Variants in TRIM69 observed in about 807,000 individuals in gnomAD.
TRIM69 encodes the protein E3 ubiquitin-protein ligase TRIM69.
Under a neutral mutation model 37.7 loss-of-function variants are expected in TRIM69, and 29 were observed. The observed-to-expected ratio is 0.77, with a 90% confidence interval of 0.57 to 1.05. TRIM69 has a LOEUF of 1.05. Ranked by LOEUF, TRIM69 falls within the 50% of genes least tolerant of loss-of-function variation. TRIM69 has a pLI of 0.00. For missense variants in TRIM69, 596 were observed against 579.9 expected (o/e 1.03, Z -0.28); for synonymous variants, 209 against 212.4 (o/e 0.98, Z 0.14).
rs1342884186 is a variant in TRIM69, at chr15:44,755,328, G to T, written c.435G>T (p.Gly145=). 6.2e-7 allele frequency: 1 copy of T among 1,613,984 alleles called. No individual in the cohort carries two copies. Among genetic ancestry groups the T allele is most frequent in the South Asian group, 1.1e-5 (1 of 91,062 alleles). The change falls in exon 2 of 7, where the codon GGG becomes GGT. Residue 145 remains glycine, a synonymous_variant. Coordinates refer to ENST00000329464, the MANE Select transcript of TRIM69 (RefSeq NM_182985.5). The part of the protein sequence containing the change: ...FQCKDARLSV[G]QSKEFLQISD... Reference sequence around the variant, plus strand: ...GCAAGGATGCTCGGTTGTCTGTGGGGCAGTCTAAGGAGTTCCTGCAAATCT... The same window carrying T: ...GCAAGGATGCTCGGTTGTCTGTGGGTCAGTCTAAGGAGTTCCTGCAAATCT...
At chr15:44,746,005 A>C (rs1194295492) in intron 1 of TRIM69, among the ~76,000 whole-genome samples, 1 of 152,090 alleles carries the variant, frequency 6.6e-6, no homozygotes, top group African/African-American at 2.4e-5. Flanking sequence ...AATTTGACAA[A>C]AGGCATAAAG....
intron 1 of TRIM69, among the ~76,000 whole-genome samples, chr15:44,745,963 T>G (rs138758527): frequency 2.0e-5 from 3 of 152,100 alleles, no homozygotes; most frequent in Non-Finnish European, 2.9e-5. Flanking sequence ...ACAGAAAGAA[T>G]GCTTAAGGAA....
At chr15:44,749,229 A>G (rs2087470995) in intron 1 of TRIM69, among the ~76,000 whole-genome samples, 1 of 151,986 alleles carries the variant, frequency 6.6e-6, no homozygotes, top group Admixed American at 6.6e-5. Flanking sequence ...GGTAAAAGTC[A>G]TACAACATAA....
chr15:44,760,628 A>T (rs1271675625), intron 6 of TRIM69, among the ~76,000 whole-genome samples: 2 of 152,148 alleles, frequency 1.3e-5, no homozygotes, highest in African/African-American at 4.8e-5. Flanking sequence ...AACTATACTG[A>T]GATATAGTTA....
intron 1 of TRIM69, among the ~76,000 whole-genome samples, chr15:44,748,698 T>C (rs141151344): frequency 1.3e-5 from 2 of 151,216 alleles, no homozygotes; most frequent in Non-Finnish European, 3.0e-5. Flanking sequence ...TGGTGACGCA[T>C]GCCTGTAATC....
intron 4 of TRIM69, 112 bp downstream of exon 4, chr15:44,758,966 A>G (rs2087714288): frequency 7.5e-7 from 1 of 1,327,952 alleles, no homozygotes; most frequent in Middle Eastern, 1.9e-4. Flanking sequence ...AAACAAAACA[A>G]AACAAAACTG....
At chr15:44,758,563 C>T in intron 3 of TRIM69, 58 bp from the exon 4 acceptor site, 1 of 1,596,052 alleles carries the variant, frequency 6.3e-7, no homozygotes, top group Non-Finnish European at 8.5e-7. Flanking sequence ...GGTGTGGGCC[C>T]CCATCCCCAA....
chr15:44,763,050 T>C (rs948529568), intron 6 of TRIM69, among the ~76,000 whole-genome samples: 4 of 152,196 alleles, frequency 2.6e-5, no homozygotes, highest in Admixed American at 6.5e-5. Flanking sequence ...TAACAACTAA[T>C]GAACCAAATT....
chr15:44,762,066 C>T (rs962545549), intron 6 of TRIM69, among the ~76,000 whole-genome samples: 5 of 152,068 alleles, frequency 3.3e-5, no homozygotes, highest in East Asian at 1.9e-4. Context: ...CCCAGGTTCA[C>T]GCCATTCTCC....
At position 44,758,869 on chromosome 15, in the gene TRIM69, C is replaced by CAT; in HGVS notation, c.813+16_813+17insTA. The CAT allele has an allele frequency of 6.2e-7, 1 of 1,603,686 alleles. No homozygotes were observed. The highest frequency in any genetic ancestry group is 8.5e-7 in the Non-Finnish European group (1 of 1,174,698). The stretch of plus-strand genomic sequence containing the variant: ...ACTTTCTCAAAGTGAGAATCCACAC[C>CAT]AATATGATTATGGGTACCTTCCTAC... On this transcript the variant is annotated intron_variant, in intron 4 of 6. Transcript: ENST00000329464.
chr15:44,761,403 T>A (rs2087772519), intron 6 of TRIM69, among the ~76,000 whole-genome samples: 1 of 152,238 alleles, frequency 6.6e-6, no homozygotes, highest in Admixed American at 6.5e-5. Context: ...TCAATCTTTT[T>A]AATTTAAACC....
intron 6 of TRIM69, among the ~76,000 whole-genome samples, chr15:44,762,434 T>G (rs2087796342): frequency 6.6e-6 from 1 of 152,152 alleles, no homozygotes; most frequent in Admixed American, 6.6e-5. Flanking sequence ...CAGCTGGTAT[T>G]TCTTCAAATA....
chr15:44,749,147 C>G (rs1037931009), intron 1 of TRIM69, among the ~76,000 whole-genome samples: 1 of 152,296 alleles, frequency 6.6e-6, no homozygotes, highest in South Asian at 2.1e-4. Flanking sequence ...TTGCCTTGGC[C>G]TCCCAAAGTG....
intron 1 of TRIM69, among the ~76,000 whole-genome samples, chr15:44,747,952 G>C (rs924377681): frequency 5.9e-5 from 9 of 152,202 alleles, no homozygotes; most frequent in Admixed American, 5.2e-4. Context: ...GAATGGGCAG[G>C]GTTAGGAATG....
In TRIM69 at chr15:44,759,782, G is replaced by A; in HGVS notation, c.871G>A (p.Glu291Lys). 1.9e-6 allele frequency: 3 copies of A among 1,614,198 alleles called. No individual in the cohort carries two copies. The highest frequency in any genetic ancestry group is 2.5e-6 in the Non-Finnish European group (3 of 1,180,042). ...AGGAATGAAGGTGCTGGCAACCAGA[G>A]AGCTTATTTCCAGAAAGCTGAACCT... is the stretch of plus-strand genomic sequence containing the variant. ...EQGMKVLATR[E>K]LISRKLNLGQ... The change falls in exon 6 of 7, where the codon GAG becomes AAG. Residue 291 changes from glutamate (E) to lysine (K), a missense_variant. By Grantham distance (56) the Glu-to-Lys change is moderately conservative. Coordinates refer to ENST00000329464, the MANE Select transcript of TRIM69 (RefSeq NM_182985.5).
In TRIM69 at chr15:44,755,288, T is replaced by G. The variant is rs1426803997; in HGVS notation, c.395T>G (p.Leu132Arg). 6.2e-7 allele frequency: 1 copy of G among 1,614,056 alleles called. No individual in the cohort carries two copies. Among genetic ancestry groups the G allele is most frequent in the African/African-American group, 1.3e-5 (1 of 74,920 alleles). Residue 132 changes from leucine to arginine, a missense_variant, in exon 2 of 7, where the codon CTG becomes CGG. Physicochemically the swap from Leu to Arg is moderately radical, Grantham distance 102. Coordinates refer to ENST00000329464, the MANE Select transcript of TRIM69 (RefSeq NM_182985.5). ...LKLFSKPDGK[L>R]ICFQCKDARL... ...CTGTTCAGTAAACCAGATGGGAAAC[T>G]GATCTGCTTTCAATGCAAGGATGCT...
chr15:44,738,076 T>TA (rs2087201002), intron 1 of TRIM69, among the ~76,000 whole-genome samples: 1 of 139,720 alleles, frequency 7.2e-6, no homozygotes, highest in African/African-American at 2.7e-5. Flanking sequence ...TTTTTTTTTT[T>TA]AGGACAGAGT....
At chr15:44,744,421 C>T (rs1305022340) in intron 1 of TRIM69, among the ~76,000 whole-genome samples, 1 of 151,122 alleles carries the variant, frequency 6.6e-6, no homozygotes, top group Non-Finnish European at 1.5e-5. Context: ...CTAACCTGCA[C>T]ATTGTGCACA....
rs564102301 is a variant in TRIM69, at chr15:44,738,790, T to C, written c.6+2080T>C. ...TCTGAGCTTCAGTTTCCTTAAAATA[T>C]GTAGTAATAATACGTATTTCATAGG... On this transcript the variant is annotated intron_variant, in intron 1 of 6. Transcript: ENST00000329464. 2.4e-4 allele frequency among the ~76,000 whole-genome samples: 36 copies of C among 152,314 alleles called. No individual in the cohort carries two copies. The South Asian group carries it at 6.8e-3, about 29-fold the overall frequency.
Sources: gnomAD v4.1 joint callset for allele counts (sites outside exome capture counted in the v4.1 genomes callset) on GRCh38, gnomAD v4.1.1 for gene constraint, MANE v1.5 for transcripts, NCBI Gene and HGNC (gene_info 2026-07-23, HGNC 2026-07-21) for gene names.